Variants in VIRMA observed in about 807,000 individuals in gnomAD.
VIRMA encodes protein virilizer homolog.
VIRMA carries 65 observed loss-of-function variants against 182.4 expected under a neutral mutation model. That is an observed-to-expected ratio of 0.36 (90% confidence interval 0.29 to 0.44). The LOEUF is 0.44. Among genes scored for constraint, VIRMA ranks in the 20% least tolerant of loss-of-function variants. VIRMA has a pLI of 1.00. For missense variants in VIRMA, 1,752 were observed against 2,158.1 expected (o/e 0.81, Z 3.73); for synonymous variants, 709 against 743.1 (o/e 0.95, Z 0.75).
At chr8:94,539,707 C>T (rs183098226) in intron 2 of VIRMA, among the ~76,000 whole-genome samples, 117 of 152,256 alleles carry the variant, frequency 7.7e-4, no homozygotes, top group African/African-American at 2.7e-3. Flanking sequence ...ACCGTTTGAA[C>T]GTACCCCACA....
rs764247502 is a variant in VIRMA, at chr8:94,527,077, T to C, written c.1167A>G (p.Leu389=). 1 of 1,614,076 alleles carries C rather than the reference T, an allele frequency of 6.2e-7. No homozygotes were observed. The highest frequency in any genetic ancestry group is 1.3e-5 in the African/African-American group (1 of 74,924). ...IEASVKLTEL[L]DLYREDRGAK... ...CACCTCTATCTTCTCTATACAAATC[T>C]AAGAGTTCTGTTAACTTCACTGAGG... is the stretch of plus-strand genomic sequence containing the variant. Residue 389 remains leucine, a synonymous_variant, in exon 8 of 24, where the codon TTA becomes TTG. Coordinates refer to ENST00000297591, the MANE Select transcript of VIRMA (RefSeq NM_015496.5).
At chr8:94,490,967 T>C (rs912688841) in intron 22 of VIRMA, among the ~76,000 whole-genome samples, 6 of 151,930 alleles carry the variant, frequency 3.9e-5, no homozygotes, top group African/African-American at 1.5e-4. Context: ...TTAAGTATAA[T>C]TGTGAAAATA....
intron 18 of VIRMA, 114 bp from the exon 19 acceptor site, chr8:94,496,005 T>C (rs1379191178): frequency 1.3e-5 from 11 of 859,532 alleles, no homozygotes; most frequent in Non-Finnish European, 1.7e-5. Context: ...TTTGGAACAC[T>C]GTCCAGAAAT....
chr8:94,506,732 GAA>G lies in VIRMA; in HGVS notation c.3880-17_3880-16del. On this transcript the variant is annotated splice_polypyrimidine_tract_variant and intron_variant, in intron 15 of 23. Transcript: ENST00000297591. The stretch of plus-strand genomic sequence containing the variant: ...AGTGCAATGTCCTGTGGGGAGCAGG[GAA>G]AAAAAAATCGATTTTTTAAATAATT... The G allele has an allele frequency of 6.6e-7, 1 of 1,516,510 alleles. No individual in the cohort carries two copies. Among genetic ancestry groups the G allele is most frequent in the Non-Finnish European group, 9.0e-7 (1 of 1,113,766 alleles). 93.9% of individuals were successfully genotyped at this position (1,516,510 alleles called of 1,614,324 possible). A position where few individuals can be genotyped will look rare whatever the true frequency, so the allele number is the denominator to read the frequency against.
chr8:94,539,195 T>C (rs943662469), intron 2 of VIRMA, among the ~76,000 whole-genome samples: 3 of 152,112 alleles, frequency 2.0e-5, no homozygotes, highest in African/African-American at 4.8e-5. Flanking sequence ...CATGCCTGTT[T>C]CCTTTCGTTA....
At chr8:94,521,760 T>C (rs1254014036) in intron 8 of VIRMA, among the ~76,000 whole-genome samples, 1 of 152,158 alleles carries the variant, frequency 6.6e-6, no homozygotes, top group Non-Finnish European at 1.5e-5. Context: ...AACCCAGGCT[T>C]CTACTTCACA....
At chr8:94,541,551 CTTTTTTT>C (rs1422251002) in intron 2 of VIRMA, among the ~76,000 whole-genome samples, 2 of 151,666 alleles carry the variant, frequency 1.3e-5, no homozygotes, top group African/African-American at 4.8e-5. Flanking sequence ...GCTCTTTTTT[CTTTTTTT>C]TAAGATGGAG....
intron 4 of VIRMA, among the ~76,000 whole-genome samples, chr8:94,536,233 G>T (rs1815338271): frequency 6.6e-6 from 1 of 152,208 alleles, no homozygotes; most frequent in Non-Finnish European, 1.5e-5. Context: ...AGACTGAACA[G>T]AAATCCCACT....
At position 94,529,148 on chromosome 8, in the gene VIRMA, GATC is replaced by G. The variant is rs1395597787; in HGVS notation, c.799_801del (p.Asp267del). ...TCAGGAATACTGTCTACTGTTCGTC[GATC>G]ATCCTCATCCTCATCCTCTTCTTCC... is the stretch of plus-strand genomic sequence containing the variant. On this transcript the variant is annotated inframe_deletion, in exon 7 of 24. Transcript: ENST00000297591. 1 of 1,429,288 alleles carries G rather than the reference GATC, an allele frequency of 7.0e-7. No homozygotes were observed. The highest frequency in any genetic ancestry group is 1.4e-5 in the African/African-American group (1 of 70,884). The allele number at this position is 1,429,288 out of a possible 1,614,324, so 88.5% of individuals were successfully genotyped here.
Position 94,553,426 on chromosome 8 carries a change from C to G in VIRMA, c.22G>C (p.Glu8Gln), listed in dbSNP as rs183763827. ...TTAAAAGTATCTAAAAATAACAGCT[C>G]CATCGCCGAGTCCACCGCCATGTTT... Reference protein sequence around the residue: MAVDSAMELLFLDTFKHP... With the variant: MAVDSAMQLLFLDTFKHP... The change falls in exon 1 of 24, where the codon GAG (glutamate) becomes CAG (glutamine). Residue 8 changes from glutamate (E) to glutamine (Q), a missense_variant. Glu to Gln is a conservative substitution (Grantham distance 29). Coordinates refer to ENST00000297591, the MANE Select transcript of VIRMA (RefSeq NM_015496.5). 5 of 1,614,198 alleles carry G rather than the reference C, an allele frequency of 3.1e-6. No individual in the cohort carries two copies. Among genetic ancestry groups the G allele is most frequent in the Non-Finnish European group, 3.4e-6 (4 of 1,180,048 alleles).
chr8:94,509,956 T>C lies in VIRMA; in HGVS notation c.3627-16A>G. ...TTCTGAAGTGCTGAAATAAAATCGA[T>C]ACATTTAGTAAACAAAGTTCTTGAC... On this transcript the variant is annotated splice_polypyrimidine_tract_variant and intron_variant, in intron 14 of 23. Coordinates refer to ENST00000297591, the MANE Select transcript of VIRMA (RefSeq NM_015496.5). The C allele has an allele frequency of 6.3e-7, 1 of 1,586,740 alleles. No individual in the cohort carries two copies. The highest frequency in any genetic ancestry group is 8.6e-7 in the Non-Finnish European group (1 of 1,168,516).
At chr8:94,506,751 T>A (rs771084200) in intron 15 of VIRMA, 34 bp from the exon 16 acceptor site, 77 of 1,370,616 alleles carry the variant, frequency 5.6e-5, no homozygotes, top group South Asian at 5.0e-4. Flanking sequence ...ATCGATTTTT[T>A]AAATAATTAT....
At position 94,491,814 on chromosome 8, in the gene VIRMA, G is replaced by A. The variant is rs1813614721; in HGVS notation, c.4904C>T (p.Pro1635Leu). 2 of 1,613,516 alleles carry A rather than the reference G, an allele frequency of 1.2e-6. No individual in the cohort carries two copies. The highest frequency in any genetic ancestry group is 1.3e-5 in the African/African-American group (1 of 74,714). Residue 1635 changes from proline to leucine, a missense_variant, in exon 22 of 24, where the codon CCT (proline) becomes CTT (leucine). Physicochemically the swap from Pro to Leu is moderately conservative, Grantham distance 98. This residue lies in a region of VIRMA where 27 missense variants were observed against 60.8 expected (regional missense o/e 0.44). Coordinates refer to ENST00000297591, the MANE Select transcript of VIRMA (RefSeq NM_015496.5). The part of the protein sequence containing the change: ...GRGGFGQGIR[P>L]HDIFRQRKQN... ...TTTTCTCTGACGAAAAATATCATGAGGTCGTATACCCTGTCCAAATCCTCC... is the reference window on the plus strand; with the variant it reads ...TTTTCTCTGACGAAAAATATCATGAAGTCGTATACCCTGTCCAAATCCTCC...
chr8:94,530,355 G>C (rs1295593512), intron 6 of VIRMA, among the ~76,000 whole-genome samples: 3 of 151,976 alleles, frequency 2.0e-5, no homozygotes, highest in African/African-American at 7.3e-5. Context: ...AAATTAGCCA[G>C]GCGTGGTGGT....
intron 17 of VIRMA, 163 bp from the exon 18 acceptor site, chr8:94,496,643 A>C: frequency 2.0e-6 from 1 of 503,264 alleles, no homozygotes; most frequent in Non-Finnish European, 3.4e-6. Flanking sequence ...ATGAAAGGTG[A>C]AGTATGTTTT....
chr8:94,526,409 T>A lies in VIRMA; in HGVS notation c.1835A>T (p.Asp612Val). 1 of 1,614,010 alleles carries A rather than the reference T, an allele frequency of 6.2e-7. No individual in the cohort carries two copies. The highest frequency in any genetic ancestry group is 2.2e-5 in the East Asian group (1 of 44,880). The stretch of plus-strand genomic sequence containing the variant: ...ACTTATATTTGAGGATTCCAAAAGA[T>A]CCATATCCATAGAAGCTTCCACCTC... ...ENEVEASMDM[D>V]LLESSNISEG... is the part of the protein sequence containing the mutation. The change falls in exon 8 of 24, where the codon GAT (aspartate) becomes GTT (valine). Residue 612 changes from aspartate to valine, a missense_variant. Physicochemically the swap from Asp to Val is radical, Grantham distance 152. Transcript: ENST00000297591.
At position 94,490,052 on chromosome 8, in the gene VIRMA, C is replaced by G; in HGVS notation, c.5171G>C (p.Gly1724Ala). Residue 1724 changes from glycine to alanine, a missense_variant, in exon 23 of 24, where the codon GGC becomes GCC. Around this residue, in one of 11 missense-constraint regions of VIRMA, gnomAD observed 132 missense variants for 173.8 expected, o/e 0.76. Coordinates refer to ENST00000297591, the MANE Select transcript of VIRMA (RefSeq NM_015496.5). ...GNYSRREGTR[G>A]SSWSAQNTPR... is the part of the protein sequence containing the mutation. Reference sequence around the variant, plus strand: ...AGTATTCTGAGCACTCCAACTGGAGCCTCTTGTTCCTTCCCGACGACTGTA... The same window carrying G: ...AGTATTCTGAGCACTCCAACTGGAGGCTCTTGTTCCTTCCCGACGACTGTA... 6.2e-7 allele frequency: 1 copy of G among 1,612,814 alleles called. No homozygotes were observed. The highest frequency in any genetic ancestry group is 1.1e-5 in the South Asian group (1 of 90,768).
Position 94,534,869 on chromosome 8 carries a change from G to C in VIRMA, c.454C>G (p.Gln152Glu), listed in dbSNP as rs1178578187. 3 of 1,612,784 alleles carry C rather than the reference G, an allele frequency of 1.9e-6. No homozygotes were observed. Among genetic ancestry groups the C allele is most frequent in the African/African-American group, 2.7e-5 (2 of 74,696 alleles). ...PPPPPPPPQP[Q>E]PSLKRNPKHA... ...TTTGGATTCCTTTTCAAACTTGGTT[G>C]TGGCTGGGGAGGTGGTGGCGGTGGA... The change falls in exon 5 of 24, where the codon CAA becomes GAA. Residue 152 changes from glutamine (Q) to glutamate (E), a missense_variant. By Grantham distance (29) the Gln-to-Glu change is conservative. This residue lies in a region of VIRMA where 195 missense variants were observed against 191.7 expected (regional missense o/e 1.02). Coordinates refer to ENST00000297591, the MANE Select transcript of VIRMA (RefSeq NM_015496.5).
At chr8:94,507,917 G>T (rs772570573) in intron 15 of VIRMA, among the ~76,000 whole-genome samples, 32 of 79,580 alleles carry the variant, frequency 4.0e-4, no homozygotes, top group Non-Finnish European at 6.5e-4. Context: ...ATATGTATGT[G>T]TATATATGTA....
Sources: allele counts gnomAD v4.1 joint callset (sites outside exome capture counted in the v4.1 genomes callset), GRCh38; gene constraint gnomAD v4.1.1; regional missense constraint gnomAD v4.1.1; transcripts MANE v1.5; gene names NCBI Gene and HGNC (gene_info 2026-07-23, HGNC 2026-07-21).